Variants in SLC24A2 observed in about 807,000 individuals in gnomAD.
SLC24A2 encodes solute carrier family 24 member 2.
In SLC24A2, 36 loss-of-function variants were observed where a neutral mutation model predicts 62.0. The observed-to-expected ratio is 0.58, with a 90% confidence interval of 0.44 to 0.77. The LOEUF is 0.77. Ranked by LOEUF, SLC24A2 falls within the 30% of genes least tolerant of loss-of-function variation. The pLI is 0.00. For synonymous variants in SLC24A2, 358 were observed against 294.0 expected (o/e 1.22, Z -2.23); for missense variants, 846 against 817.9 (o/e 1.03, Z -0.42).
chr9:19,890,511 C>T, the SLC24A2 span, among the ~76,000 whole-genome samples: 10 of 152,088 alleles, frequency 6.6e-5, no homozygotes, highest in Non-Finnish European at 1.0e-4. Context: ...TACAAGGTCT[C>T]TGGTTTTGTG....
chr9:19,933,689 C>G, the SLC24A2 span, among the ~76,000 whole-genome samples: 1 of 152,152 alleles, frequency 6.6e-6, no homozygotes, highest in Admixed American at 6.5e-5. Context: ...AGCAGCATTA[C>G]TTATAATAGC....
At chr9:19,573,517 CACACACACACACAG>C in intron 6 of SLC24A2, 48 bp from the exon 7 acceptor site, 1 of 299,958 alleles carries the variant, frequency 3.3e-6, no homozygotes, top group Non-Finnish European at 5.1e-6. Context: ...CACACACACA[CACACACACACACAG>C]AGAGAGAGAG....
the SLC24A2 span, among the ~76,000 whole-genome samples, chr9:20,134,499 G>C: frequency 6.6e-6 from 1 of 152,126 alleles, no homozygotes; most frequent in South Asian, 2.1e-4. Flanking sequence ...GGGAGTCCAA[G>C]AAAGGAAACC....
At chr9:19,856,317 G>A in the SLC24A2 span, among the ~76,000 whole-genome samples, 140 of 152,248 alleles carry the variant, frequency 9.2e-4, no homozygotes, top group Non-Finnish European at 1.4e-3. Context: ...GCCCAGTTCT[G>A]TGCCTTTGTT....
At chr9:19,640,019 T>C (rs1818453001) in intron 2 of SLC24A2, among the ~76,000 whole-genome samples, 1 of 152,274 alleles carries the variant, frequency 6.6e-6, no homozygotes, top group Non-Finnish European at 1.5e-5. Context: ...TTCAGCATAG[T>C]AACTTGAGTT....
the SLC24A2 span, among the ~76,000 whole-genome samples, chr9:19,947,848 G>GAAAGAAAGAAAGAA: frequency 4.1e-5 from 6 of 145,330 alleles, no homozygotes; most frequent in Admixed American, 2.1e-4. Flanking sequence ...AAGAAAGAAA[G>GAAAGAAAGAAAGAA]AAATTAGTTC....
At chr9:19,704,887 T>C (rs1445154959) in intron 2 of SLC24A2, among the ~76,000 whole-genome samples, 2 of 151,846 alleles carry the variant, frequency 1.3e-5, no homozygotes, top group African/African-American at 4.8e-5. Context: ...ACTTTCAGGA[T>C]GAAACAGATC....
At chr9:20,194,618 C>A in the SLC24A2 span, among the ~76,000 whole-genome samples, 1 of 152,032 alleles carries the variant, frequency 6.6e-6, no homozygotes, top group Non-Finnish European at 1.5e-5. Context: ...CCTAAGAACT[C>A]CTTTGTATAG....
At chr9:20,002,683 C>T in the SLC24A2 span, among the ~76,000 whole-genome samples, 1 of 152,154 alleles carries the variant, frequency 6.6e-6, no homozygotes, top group Non-Finnish European at 1.5e-5. Flanking sequence ...CAGACTGGTG[C>T]ACTCACAGTG....
the SLC24A2 span, among the ~76,000 whole-genome samples, chr9:19,998,688 A>C: frequency 6.6e-6 from 1 of 152,136 alleles, no homozygotes; most frequent in African/African-American, 2.4e-5. Flanking sequence ...TTTTGCTCAA[A>C]TCCGTTCATA....
chr9:19,679,838 C>CTGTG (rs58253967), intron 2 of SLC24A2, among the ~76,000 whole-genome samples: 5,216 of 142,386 alleles, frequency 0.037, 108 homozygotes, highest in African/African-American at 0.054. Flanking sequence ...CTCACATATA[C>CTGTG]TGTGTGTGTG....
chr9:20,050,270 G>A, the SLC24A2 span, among the ~76,000 whole-genome samples: 35 of 143,840 alleles, frequency 2.4e-4, no homozygotes, highest in Non-Finnish European at 5.0e-4. Context: ...AAAAAATTTA[G>A]CCGGTCATGG....
chr9:19,906,575 C>T, the SLC24A2 span, among the ~76,000 whole-genome samples: 1 of 151,978 alleles, frequency 6.6e-6, no homozygotes, highest in Non-Finnish European at 1.5e-5. Flanking sequence ...ATTGACAGAC[C>T]GCTGGCAACA....
chr9:19,719,547 C>T (rs1338011783), intron 2 of SLC24A2, among the ~76,000 whole-genome samples: 1 of 152,094 alleles, frequency 6.6e-6, no homozygotes, highest in Non-Finnish European at 1.5e-5. Flanking sequence ...GCACTTAAAA[C>T]CTCCATTAAC....
At chr9:19,920,558 C>T in the SLC24A2 span, among the ~76,000 whole-genome samples, 68 of 152,184 alleles carry the variant, frequency 4.5e-4, 1 homozygote, top group South Asian at 0.013. Flanking sequence ...TGAGGGCCAA[C>T]GTACCGCTAT....
At chr9:19,604,104 A>G (rs1836919896) in intron 4 of SLC24A2, among the ~76,000 whole-genome samples, 1 of 152,222 alleles carries the variant, frequency 6.6e-6, no homozygotes, top group African/African-American at 2.4e-5. Context: ...AAATGCTGCT[A>G]AGTTGAATTA....
At chr9:20,193,115 A>C in the SLC24A2 span, among the ~76,000 whole-genome samples, 3 of 152,156 alleles carry the variant, frequency 2.0e-5, no homozygotes, top group Non-Finnish European at 4.4e-5. Flanking sequence ...GGTGAAAAGA[A>C]ACAATAACAG....
the SLC24A2 span, among the ~76,000 whole-genome samples, chr9:20,098,670 C>G: frequency 4.5e-4 from 69 of 152,228 alleles, no homozygotes; most frequent in African/African-American, 1.6e-3. Context: ...TCAGACCCAT[C>G]ATATCCCTTT....
At chr9:20,249,348 T>C in the SLC24A2 span, among the ~76,000 whole-genome samples, 3 of 152,126 alleles carry the variant, frequency 2.0e-5, no homozygotes, top group Admixed American at 6.6e-5. Flanking sequence ...GAGCCTCAGT[T>C]TTCTCATCTG....
Sources: gnomAD v4.1 joint callset for allele counts (sites outside exome capture counted in the v4.1 genomes callset) on GRCh38, gnomAD v4.1.1 for gene constraint, MANE v1.5 for transcripts, NCBI Gene and HGNC (gene_info 2026-07-23, HGNC 2026-07-21) for gene names.